RIBC2: variants seen among roughly 807,000 people sequenced by gnomAD.
RIBC2 encodes the protein RIB43A domain with coiled-coils 2, also known as RIB43A-like with coiled-coils protein 2.
Under a neutral mutation model 44.3 loss-of-function variants are expected in RIBC2, and 40 were observed. The observed-to-expected ratio is 0.90, with a 90% CI of 0.70 to 1.18. The LOEUF is 1.18. Among genes scored for constraint, RIBC2 ranks in the 50% most tolerant of loss-of-function variants. The pLI is 0.00. For missense variants in RIBC2, 459 were observed against 485.5 expected (o/e 0.95, Z 0.51); for synonymous variants, 171 against 175.0 (o/e 0.98, Z 0.18).
In RIBC2 at chr22:45,422,288, A is replaced by G. The variant is rs1385240608; in HGVS notation, c.557-2A>G. On this transcript the variant is annotated splice_acceptor_variant, in intron 3 of 6. Transcript: ENST00000614167. LOFTEE classifies it high-confidence loss of function. ...ATCTGATTGCTTCTTGCCTCCTTTCAGAGGCCCTCTACACAGAGACAAGGC... is the reference window on the plus strand; with the variant it reads ...ATCTGATTGCTTCTTGCCTCCTTTCGGAGGCCCTCTACACAGAGACAAGGC... The G allele has an allele frequency of 2.5e-6, 4 of 1,609,946 alleles. No individual in the cohort carries two copies. The highest frequency in any genetic ancestry group is 1.1e-5 in the South Asian group (1 of 90,998).
intron 4 of RIBC2, 68 bp from the exon 5 acceptor site, chr22:45,425,880 C>A: frequency 7.3e-7 from 1 of 1,371,272 alleles, no homozygotes; most frequent in Non-Finnish European, 1.0e-6. Context: ...GTGAGATTTG[C>A]TGGCCTGGGT....
chr22:45,417,616 C>G lies in RIBC2; in HGVS notation c.226C>G (p.Gln76Glu). The G allele has an allele frequency of 6.2e-7, 1 of 1,609,792 alleles. No homozygotes were observed. The highest frequency in any genetic ancestry group is 8.5e-7 in the Non-Finnish European group (1 of 1,176,402). ...RHETFAAEMR[Q>E]NDKIMCILEN... ...ATCTCTTCCAGCTGCTGAAATGAGG[C>G]AAAATGACAAAATCATGTGCATATT... The change falls in exon 3 of 7, where the codon CAA becomes GAA. Residue 76 changes from glutamine (Q) to glutamate (E), a missense_variant. Physicochemically the swap from Gln to Glu is conservative, Grantham distance 29. Transcript: ENST00000614167.
rs540544835 is a variant in RIBC2 at position 45,427,578 on chromosome 22, T to C, written c.903+1403T>C. 2.6e-5 allele frequency among the ~76,000 whole-genome samples: 4 copies of C among 152,346 alleles called. No homozygotes were observed. The South Asian group carries it at 6.2e-4, about 24-fold the overall frequency. Reference sequence around the variant, plus strand: ...CCAGGAGGCAGCTGGATATGTAACATAGGGCTCAGAACAAGGTCTGGGCCA... The same window carrying C: ...CCAGGAGGCAGCTGGATATGTAACACAGGGCTCAGAACAAGGTCTGGGCCA... On this transcript the variant is annotated intron_variant, in intron 5 of 6. Transcript: ENST00000614167.
intron 3 of RIBC2, among the ~76,000 whole-genome samples, chr22:45,421,577 T>TTATTAATAATAG (rs1329687497): frequency 7.1e-6 from 1 of 141,640 alleles, no homozygotes; most frequent in Non-Finnish European, 1.5e-5. Context: ...AATAATAGTA[T>TTATTAATAATAG]TATTAATAAT....
intron 4 of RIBC2, among the ~76,000 whole-genome samples, chr22:45,425,107 C>T (rs1288588914): frequency 2.6e-5 from 4 of 151,488 alleles, no homozygotes; most frequent in Non-Finnish European, 2.9e-5. Flanking sequence ...GGTGACAGAG[C>T]GAGACTCCGT....
chr22:45,426,216 G>T (rs753740908), intron 5 of RIBC2, 41 bp downstream of exon 5: 2 of 1,543,758 alleles, frequency 1.3e-6, no homozygotes, highest in Non-Finnish European at 1.8e-6. Flanking sequence ...ATAGAGCCAG[G>T]CTCTTTGCTC....
chr22:45,430,982 A>C lies in RIBC2; in HGVS notation c.986A>C (p.Glu329Ala). The change falls in exon 6 of 7, where the codon GAG becomes GCG. Residue 329 changes from glutamate to alanine, a missense_variant. Physicochemically the swap from Glu to Ala is moderately radical, Grantham distance 107. Transcript: ENST00000614167. ...IQGARATLLFERQQWRRQRDL... is the reference protein window; with the variant it reads ...IQGARATLLFARQQWRRQRDL... ...GGGGCTCGCGCCACCCTGCTGTTTGAGCGGCAGCAGTGGCGGCGGCAGCGC... is the reference window on the plus strand; with the variant it reads ...GGGGCTCGCGCCACCCTGCTGTTTGCGCGGCAGCAGTGGCGGCGGCAGCGC... The C allele has an allele frequency of 1.2e-6, 2 of 1,606,416 alleles. No homozygotes were observed. Among genetic ancestry groups the C allele is most frequent in the South Asian group, 2.2e-5 (2 of 89,848 alleles).
chr22:45,428,123 C>A (rs2087549796), intron 5 of RIBC2, among the ~76,000 whole-genome samples: 1 of 152,212 alleles, frequency 6.6e-6, no homozygotes, highest in Non-Finnish European at 1.5e-5. Context: ...GAGAGGGGAA[C>A]CCCTGGGTCA....
chr22:45,422,587 C>T, intron 4 of RIBC2, 179 bp downstream of exon 4: 1 of 624,024 alleles, frequency 1.6e-6, no homozygotes, highest in Non-Finnish European at 2.9e-6. Flanking sequence ...GAGACCCAGT[C>T]CTGTGCCTTA....
rs372341717 is a variant in RIBC2, at chr22:45,417,922, G to A, written c.532G>A (p.Ala178Thr). 2.4e-5 allele frequency: 39 copies of A among 1,605,796 alleles called. No individual in the cohort carries two copies. The highest frequency in any genetic ancestry group is 1.5e-4 in the African/African-American group (11 of 74,280). ...GCAGCAGCAAAGGGAATGGAAGAACGCCCGTGCTGAACAAAAATGCGCAGG... is the reference window on the plus strand; with the variant it reads ...GCAGCAGCAAAGGGAATGGAAGAACACCCGTGCTGAACAAAAATGCGCAGG... Reference protein sequence around the residue: ...SLQQQREWKNARAEQKCAEAL... With the variant: ...SLQQQREWKNTRAEQKCAEAL... The change falls in exon 3 of 7, where the codon GCC becomes ACC. Residue 178 changes from alanine to threonine, a missense_variant. Coordinates refer to ENST00000614167, the MANE Select transcript of RIBC2 (RefSeq NM_015653.5).
chr22:45,418,876 C>T (rs953035608), intron 3 of RIBC2, among the ~76,000 whole-genome samples: 5 of 152,196 alleles, frequency 3.3e-5, no homozygotes, highest in African/African-American at 1.2e-4. Context: ...TCCACTGGAA[C>T]TGCCCTGGCC....
intron 6 of RIBC2, among the ~76,000 whole-genome samples, chr22:45,431,393 G>A (rs2146892819): frequency 6.6e-6 from 1 of 152,292 alleles, no homozygotes; most frequent in South Asian, 2.1e-4. Context: ...TTCAGGGACG[G>A]CTTTCCAGGT....
intron 5 of RIBC2, among the ~76,000 whole-genome samples, chr22:45,430,586 C>A (rs1188209692): frequency 1.3e-5 from 2 of 152,118 alleles, no homozygotes. Flanking sequence ...AGACTCTGGG[C>A]CCAGCCTGCA....
chr22:45,414,005 G>A lies in RIBC2; in HGVS notation c.119G>A (p.Arg40Lys). 1 of 1,551,636 alleles carries A rather than the reference G, an allele frequency of 6.4e-7. No individual in the cohort carries two copies. Among genetic ancestry groups the A allele is most frequent in the Non-Finnish European group, 8.7e-7 (1 of 1,146,928 alleles). ...AAGCGGGTCTTCAACGCCAGAAACA[G>A]GATAATTGGGGTGAAAGGGCAGGGG... ...RQKRVFNARN[R>K]IIGGDTEAWD... The change falls in exon 1 of 7, where the codon AGG becomes AAG. Residue 40 changes from arginine to lysine, a missense_variant. Arg to Lys is a conservative substitution (Grantham distance 26). Transcript: ENST00000614167.
intron 2 of RIBC2, among the ~76,000 whole-genome samples, chr22:45,414,970 G>A (rs2087406705): frequency 6.6e-6 from 1 of 152,104 alleles, no homozygotes; most frequent in South Asian, 2.1e-4. Flanking sequence ...AGCTGACTCA[G>A]AGACAGACAT....
At chr22:45,425,120 C>A (rs910122693) in intron 4 of RIBC2, among the ~76,000 whole-genome samples, 97 of 148,630 alleles carry the variant, frequency 6.5e-4, no homozygotes, top group African/African-American at 2.3e-3. Context: ...GACTCCGTCT[C>A]AAAAAAACAA....
At chr22:45,431,594 G>T (rs891436865) in intron 6 of RIBC2, among the ~76,000 whole-genome samples, 1 of 152,148 alleles carries the variant, frequency 6.6e-6, no homozygotes, top group African/African-American at 2.4e-5. Flanking sequence ...GGGGACCCAG[G>T]AATATTTTCT....
At chr22:45,421,592 ATAG>A (rs1386567771) in intron 3 of RIBC2, among the ~76,000 whole-genome samples, 1 of 34,928 alleles carries the variant, frequency 2.9e-5, no homozygotes, top group Non-Finnish European at 5.3e-5. Flanking sequence ...AATAATAATA[ATAG>A]TATTATTAAT....
At chr22:45,430,837 T>C in intron 5 of RIBC2, 63 bp from the exon 6 acceptor site, 2 of 1,461,986 alleles carry the variant, frequency 1.4e-6, no homozygotes, top group Non-Finnish European at 1.8e-6. Flanking sequence ...GCCTCCTAGA[T>C]AATCCCCTGG....
Sources: allele counts gnomAD v4.1 joint callset (sites outside exome capture counted in the v4.1 genomes callset), GRCh38; gene constraint gnomAD v4.1.1; transcripts MANE v1.5; gene names NCBI Gene and HGNC (gene_info 2026-07-23, HGNC 2026-07-21).